The following KCNC2 variants were observed in gnomAD, a reference collection of about 807,000 sequenced individuals.
KCNC2 encodes voltage-gated potassium channel KCNC2.
In KCNC2, 21 loss-of-function variants were observed where a neutral mutation model predicts 44.5. The observed-to-expected ratio is 0.47, with a 90% CI of 0.33 to 0.68. KCNC2 has a LOEUF of 0.68. Among genes scored for constraint, KCNC2 ranks in the 30% least tolerant of loss-of-function variants. KCNC2 has a pLI of 0.01. For synonymous variants in KCNC2, 391 were observed against 339.1 expected, an observed-to-expected ratio of 1.15 and a Z score of -1.68; for missense variants, 589 against 826.2, an observed-to-expected ratio of 0.71 and a Z score of 3.52.
intron 2 of KCNC2, among the ~76,000 whole-genome samples, chr12:75,089,298 T>C (rs1456212375): frequency 6.6e-6 from 1 of 151,814 alleles, no homozygotes; most frequent in Non-Finnish European, 1.5e-5. Flanking sequence ...AATTAATACA[T>C]AAACTTTTAT....
In KCNC2 at chr12:75,207,789, C is replaced by G; in HGVS notation, c.195G>C (p.Pro65=). The change falls in exon 2 of 5, where the codon CCG becomes CCC. Residue 65 remains proline, a synonymous_variant. Coordinates refer to ENST00000549446, the MANE Select transcript of KCNC2 (RefSeq NM_139137.4). This position sits in a 1 kb window ranked among gnomAD's most constrained non-coding sequence, Gnocchi z 4.1. ...QPSPPPLSPP[P]RAPPLSPGPG... is the part of the protein sequence containing the mutation. ...GCCCGGGGGACAGCGGGGGCGCTCT[C>G]GGCGGCGGCGACAGTGGAGGCGGCG... 1.3e-6 allele frequency: 2 copies of G among 1,591,484 alleles called. No homozygotes were observed. The highest frequency in any genetic ancestry group is 1.7e-6 in the Non-Finnish European group (2 of 1,170,684).
chr12:75,181,365 G>A (rs1240468608), intron 2 of KCNC2, among the ~76,000 whole-genome samples: 1 of 152,060 alleles, frequency 6.6e-6, no homozygotes, highest in Non-Finnish European at 1.5e-5. Flanking sequence ...GTCTGTGTAA[G>A]ACATATCTGC....
intron 2 of KCNC2, among the ~76,000 whole-genome samples, chr12:75,100,183 C>G (rs558430384): frequency 6.6e-6 from 1 of 152,108 alleles, no homozygotes; most frequent in South Asian, 2.1e-4. Context: ...GTTCTATAGT[C>G]TTTTTCATAT....
chr12:75,131,918 C>A (rs943613615), intron 2 of KCNC2, among the ~76,000 whole-genome samples: 1 of 152,030 alleles, frequency 6.6e-6, no homozygotes, highest in Non-Finnish European at 1.5e-5. Context: ...GACTTCTGCC[C>A]CACAAAACTG....
intron 2 of KCNC2, among the ~76,000 whole-genome samples, chr12:75,069,578 T>C (rs1429902478): frequency 6.6e-6 from 1 of 152,190 alleles, no homozygotes; most frequent in Non-Finnish European, 1.5e-5. Context: ...TTTTGGTGGT[T>C]TATAGAGATC....
chr12:75,100,746 T>C (rs1886310092), intron 2 of KCNC2, among the ~76,000 whole-genome samples: 1 of 152,004 alleles, frequency 6.6e-6, no homozygotes, highest in Non-Finnish European at 1.5e-5. Flanking sequence ...TGTCAATATG[T>C]TATGATTTAT....
chr12:75,103,042 G>A (rs1886500519), intron 2 of KCNC2, among the ~76,000 whole-genome samples: 1 of 152,062 alleles, frequency 6.6e-6, no homozygotes, highest in African/African-American at 2.4e-5. Flanking sequence ...AACAGAAGAT[G>A]TTAAGAGTAG....
At chr12:75,055,899 C>A (rs937416149) in intron 2 of KCNC2, among the ~76,000 whole-genome samples, 1 of 152,030 alleles carries the variant, frequency 6.6e-6, no homozygotes, top group Admixed American at 6.6e-5. Flanking sequence ...TTATTTTCCT[C>A]ATTTTCTCTT....
intron 4 of KCNC2, among the ~76,000 whole-genome samples, chr12:75,047,124 A>C (rs184752121): frequency 3.2e-3 from 491 of 152,158 alleles, no homozygotes; most frequent in Admixed American, 6.9e-3. Context: ...ATAAGACATT[A>C]TTATAGTTAT....
chr12:75,178,713 G>C (rs1465977311), intron 2 of KCNC2, among the ~76,000 whole-genome samples: 1 of 151,998 alleles, frequency 6.6e-6, no homozygotes, highest in Non-Finnish European at 1.5e-5. Flanking sequence ...GAAGAGAAAT[G>C]AGATAATACA....
At chr12:75,080,507 A>T (rs978914594) in intron 2 of KCNC2, among the ~76,000 whole-genome samples, 1 of 152,168 alleles carries the variant, frequency 6.6e-6, no homozygotes, top group African/African-American at 2.4e-5. Context: ...GTGCAACACC[A>T]GAGATTTAAT....
At chr12:75,103,341 C>T (rs903759377) in intron 2 of KCNC2, among the ~76,000 whole-genome samples, 1 of 152,104 alleles carries the variant, frequency 6.6e-6, no homozygotes, top group Non-Finnish European at 1.5e-5. Flanking sequence ...ATGTGTCATC[C>T]GTTTCTTGAA....
At chr12:75,055,963 C>T (rs1384236738) in intron 2 of KCNC2, among the ~76,000 whole-genome samples, 3 of 152,032 alleles carry the variant, frequency 2.0e-5, no homozygotes, top group Admixed American at 2.0e-4. Context: ...TTCACAAATG[C>T]TTATTCATTT....
At chr12:75,098,234 C>G (rs1886094666) in intron 2 of KCNC2, among the ~76,000 whole-genome samples, 1 of 152,056 alleles carries the variant, frequency 6.6e-6, no homozygotes, top group Non-Finnish European at 1.5e-5. Flanking sequence ...TTTGCTTTTG[C>G]TTTTCCTAAC....
At chr12:75,097,739 G>A (rs1401996709) in intron 2 of KCNC2, among the ~76,000 whole-genome samples, 1 of 152,076 alleles carries the variant, frequency 6.6e-6, no homozygotes, top group Non-Finnish European at 1.5e-5. Context: ...AAGACAGATA[G>A]ACTAGCATTT....
chr12:75,208,047 CA>C, intron 1 of KCNC2, 45 bp from the exon 2 acceptor site: 10 of 1,598,848 alleles, frequency 6.3e-6, no homozygotes, highest in Non-Finnish European at 8.5e-6. Flanking sequence ...TCTTAGCCGT[CA>C]AAGACACACC....
At chr12:75,049,722 C>A (rs1305637011) in intron 3 of KCNC2, among the ~76,000 whole-genome samples, 1 of 151,988 alleles carries the variant, frequency 6.6e-6, no homozygotes. Context: ...ATCATCTATT[C>A]CCTGAAAAAT....
At chr12:75,060,741 G>A (rs1367101181) in intron 2 of KCNC2, among the ~76,000 whole-genome samples, 2 of 152,066 alleles carry the variant, frequency 1.3e-5, no homozygotes, top group African/African-American at 2.4e-5. Flanking sequence ...AAACTGCTGG[G>A]ATTATAGGCA....
At chr12:75,088,238 A>C (rs761026658) in intron 2 of KCNC2, among the ~76,000 whole-genome samples, 1 of 152,138 alleles carries the variant, frequency 6.6e-6, no homozygotes, top group Non-Finnish European at 1.5e-5. Context: ...ACCACATTTT[A>C]CAAAGATTAC....
Sources: gnomAD v4.1 joint callset for allele counts (sites outside exome capture counted in the v4.1 genomes callset) on GRCh38, gnomAD v4.1.1 for gene constraint, Gnocchi (gnomAD v3.1) non-coding constraint, MANE v1.5 for transcripts, NCBI Gene and HGNC (gene_info 2026-07-23, HGNC 2026-07-21) for gene names.